The following GALNT13 variants were observed in gnomAD, a reference collection of about 807,000 sequenced individuals.
GALNT13 encodes polypeptide N-acetylgalactosaminyltransferase 13.
GALNT13 carries 28 observed loss-of-function variants against 64.2 expected under a neutral mutation model. That is an observed-to-expected ratio of 0.44 (90% confidence interval 0.32 to 0.60). The LOEUF (loss-of-function observed/expected upper bound fraction) is 0.60, where lower values mean the gene tolerates loss of function less well. Ranked by LOEUF, GALNT13 falls within the 20% of genes least tolerant of loss-of-function variation. GALNT13 has a pLI of 0.05. For missense variants in GALNT13, 577 were observed against 669.8 expected (o/e 0.86, Z 1.53); for synonymous variants, 214 against 224.6 (o/e 0.95, Z 0.42).
At chr2:154,437,744 A>C in intron 11 of GALNT13, 1 of 373,664 alleles carries the variant, frequency 2.7e-6, no homozygotes, top group Non-Finnish European at 5.3e-6. Flanking sequence ...AGTCCCAGCC[A>C]CTCGGGAGGC....
intron 7 of GALNT13, among the ~76,000 whole-genome samples, chr2:154,248,592 T>A (rs1689907796): frequency 6.9e-6 from 1 of 145,668 alleles, no homozygotes; most frequent in Non-Finnish European, 1.5e-5. Context: ...CATAGTGTTT[T>A]ACATTTTCAA....
the GALNT13 span, among the ~76,000 whole-genome samples, chr2:153,720,461 G>T: frequency 1.3e-5 from 2 of 150,430 alleles, no homozygotes; most frequent in Non-Finnish European, 3.0e-5. Flanking sequence ...GCTGGATGGA[G>T]AAGGATTTTG....
At chr2:154,152,807 T>G (rs1049260354) in intron 4 of GALNT13, among the ~76,000 whole-genome samples, 1 of 152,192 alleles carries the variant, frequency 6.6e-6, no homozygotes, top group African/African-American at 2.4e-5. Context: ...CTTCTCTGTA[T>G]TGGTTATTCT....
chr2:153,823,591 C>G, the GALNT13 span, among the ~76,000 whole-genome samples: 1 of 135,846 alleles, frequency 7.4e-6, no homozygotes, highest in Non-Finnish European at 1.6e-5. Context: ...ATTAGACCCC[C>G]AACCTTCACC....
At chr2:153,130,595 C>G in the GALNT13 span, among the ~76,000 whole-genome samples, 1 of 152,114 alleles carries the variant, frequency 6.6e-6, no homozygotes, top group African/African-American at 2.4e-5. Context: ...CCCAGACACA[C>G]AGGCCACCTG....
chr2:153,483,064 C>G, the GALNT13 span, among the ~76,000 whole-genome samples: 1 of 152,242 alleles, frequency 6.6e-6, no homozygotes, highest in East Asian at 1.9e-4. Context: ...AAATGGTTGA[C>G]CTTGGTGAGT....
chr2:153,699,202 A>G, the GALNT13 span, among the ~76,000 whole-genome samples: 2 of 152,118 alleles, frequency 1.3e-5, no homozygotes, highest in African/African-American at 4.8e-5. Context: ...AAAATACACA[A>G]CTACATGGAA....
At chr2:153,899,931 A>ATTTTT (rs770440085) in intron 1 of GALNT13, among the ~76,000 whole-genome samples, 1 of 102,566 alleles carries the variant, frequency 9.7e-6, no homozygotes, top group Non-Finnish European at 2.1e-5. Context: ...ATATATATAT[A>ATTTTT]TATATTTTTT....
At chr2:154,272,251 A>C (rs1162763608) in intron 8 of GALNT13, among the ~76,000 whole-genome samples, 1 of 152,052 alleles carries the variant, frequency 6.6e-6, no homozygotes, top group African/African-American at 2.4e-5. Flanking sequence ...TAACTTCTGA[A>C]CCATGATAAA....
At chr2:153,945,443 A>G (rs886104137) in intron 3 of GALNT13, among the ~76,000 whole-genome samples, 3 of 152,126 alleles carry the variant, frequency 2.0e-5, no homozygotes, top group African/African-American at 7.2e-5. Context: ...TTTTATTCTC[A>G]TTGAACTAAC....
intron 1 of GALNT13, among the ~76,000 whole-genome samples, chr2:153,896,194 T>C (rs892385755): frequency 6.7e-6 from 1 of 149,732 alleles, no homozygotes; most frequent in African/African-American, 2.4e-5. Flanking sequence ...TAACCTTTTG[T>C]CTTTTTTCTT....
At chr2:153,362,197 C>T in the GALNT13 span, among the ~76,000 whole-genome samples, 1 of 152,060 alleles carries the variant, frequency 6.6e-6, no homozygotes, top group African/African-American at 2.4e-5. Flanking sequence ...ACCAGGCCTG[C>T]CTTGCAAGAG....
chr2:153,398,391 A>C, the GALNT13 span, among the ~76,000 whole-genome samples: 6 of 152,210 alleles, frequency 3.9e-5, no homozygotes, highest in East Asian at 1.9e-4. Flanking sequence ...ATACGTGTGC[A>C]TGTGTCTTTA....
chr2:153,632,209 CT>C, the GALNT13 span, among the ~76,000 whole-genome samples: 1 of 152,094 alleles, frequency 6.6e-6, no homozygotes, highest in Non-Finnish European at 1.5e-5. Context: ...AATTAATAGA[CT>C]TTTTGAAAAA....
At chr2:153,926,044 A>G (rs1245733597) in intron 2 of GALNT13, among the ~76,000 whole-genome samples, 1 of 151,886 alleles carries the variant, frequency 6.6e-6, no homozygotes, top group African/African-American at 2.4e-5. Flanking sequence ...AATACCCTTT[A>G]TTTCTTTCTC....
At chr2:153,713,432 A>T in the GALNT13 span, among the ~76,000 whole-genome samples, 3 of 152,178 alleles carry the variant, frequency 2.0e-5, no homozygotes, top group South Asian at 6.2e-4. Flanking sequence ...ATTTTGTTGA[A>T]GTCAGTTCTT....
the GALNT13 span, among the ~76,000 whole-genome samples, chr2:153,374,417 A>AT: frequency 1.3e-5 from 2 of 152,028 alleles, no homozygotes; most frequent in Non-Finnish European, 2.9e-5. Flanking sequence ...TCTTTTGTTT[A>AT]TTTTTTAAAT....
chr2:153,944,457 T>G lies in GALNT13; in HGVS notation c.-41T>G, dbSNP rs1326408162. The G allele has an allele frequency of 2.5e-6, 4 of 1,594,360 alleles. No individual in the cohort carries two copies. Among genetic ancestry groups the G allele is most frequent in the Non-Finnish European group, 3.4e-6 (4 of 1,167,092 alleles). ...TGGCTTGGATTTATCACAGTAGCAT[T>G]TGTCTTCAATCTGTGTGTTAACTAG... On this transcript the variant is annotated 5_prime_UTR_variant, in exon 3 of 13. It adds an upstream start codon to the 5' untranslated region. Coordinates refer to ENST00000392825, the MANE Select transcript of GALNT13 (RefSeq NM_052917.4).
intron 3 of GALNT13, among the ~76,000 whole-genome samples, chr2:153,958,012 T>C (rs567034590): frequency 5.9e-5 from 9 of 152,246 alleles, no homozygotes; most frequent in Non-Finnish European, 1.3e-4. Flanking sequence ...GCACATGTAC[T>C]CTAAGTATTC....
Sources: allele counts gnomAD v4.1 joint callset (sites outside exome capture counted in the v4.1 genomes callset), GRCh38; gene constraint gnomAD v4.1.1; transcripts MANE v1.5; gene names NCBI Gene and HGNC (gene_info 2026-07-23, HGNC 2026-07-21).